Variants in RGS17 observed in about 807,000 individuals in gnomAD.
RGS17 encodes regulator of G-protein signaling 17.
A neutral mutation model predicts 25.5 loss-of-function variants in RGS17; 12 were observed. The ratio of observed to expected loss-of-function variants is 0.47; its 90% CI spans 0.30 to 0.76. RGS17 has a LOEUF of 0.76. Among genes scored for constraint, RGS17 ranks in the 30% least tolerant of loss-of-function variants. The pLI is 0.07. For synonymous variants in RGS17, 71 were observed against 76.9 expected (o/e 0.92, Z 0.40); for missense variants, 196 against 242.2 (o/e 0.81, Z 1.27).
chr6:153,093,112 T>C (rs571371859), intron 1 of RGS17, among the ~76,000 whole-genome samples: 2 of 152,364 alleles, frequency 1.3e-5, no homozygotes, highest in South Asian at 2.1e-4. Context: ...AACATTCTTT[T>C]ATTTTTTAAG....
At chr6:153,101,743 G>A (rs1486450764) in intron 1 of RGS17, among the ~76,000 whole-genome samples, 1 of 152,014 alleles carries the variant, frequency 6.6e-6, no homozygotes, top group Non-Finnish European at 1.5e-5. Context: ...TAGTGAGTGA[G>A]TTCTCGTAAG....
chr6:153,084,380 T>A (rs1777024776), intron 1 of RGS17, among the ~76,000 whole-genome samples: 1 of 152,124 alleles, frequency 6.6e-6, no homozygotes, highest in Admixed American at 6.5e-5. Context: ...CCAACTGACA[T>A]AGAAATAAAG....
intron 4 of RGS17, among the ~76,000 whole-genome samples, chr6:153,020,100 TA>T (rs57320874): frequency 0.019 from 857 of 44,756 alleles, 39 homozygotes; most frequent in Middle Eastern, 0.043. Flanking sequence ...GCAAATATCT[TA>T]AAAAAAAAAA....
At chr6:153,054,092 T>TATAA (rs1393844507) in intron 1 of RGS17, among the ~76,000 whole-genome samples, 1 of 42,102 alleles carries the variant, frequency 2.4e-5, no homozygotes, top group Non-Finnish European at 3.8e-5. Context: ...ACAATATTTT[T>TATAA]TATATATATA....
At chr6:153,094,385 G>T (rs1394727899) in intron 1 of RGS17, among the ~76,000 whole-genome samples, 1 of 152,036 alleles carries the variant, frequency 6.6e-6, no homozygotes, top group South Asian at 2.1e-4. Flanking sequence ...GTGGCCTACT[G>T]AACTCTTTAA....
At chr6:153,031,193 C>T (rs1019908665) in intron 2 of RGS17, among the ~76,000 whole-genome samples, 10 of 152,158 alleles carry the variant, frequency 6.6e-5, no homozygotes, top group African/African-American at 2.4e-4. Flanking sequence ...GAATATACCT[C>T]CTTTAGGATG....
chr6:153,101,981 T>C (rs1777310595), intron 1 of RGS17, among the ~76,000 whole-genome samples: 1 of 152,208 alleles, frequency 6.6e-6, no homozygotes, highest in Non-Finnish European at 1.5e-5. Context: ...AGTGTGAAAA[T>C]GGACTAATAC....
chr6:153,034,528 A>G (rs1184835096), intron 2 of RGS17, among the ~76,000 whole-genome samples: 1 of 152,188 alleles, frequency 6.6e-6, no homozygotes, highest in East Asian at 1.9e-4. Flanking sequence ...CTATCAATAA[A>G]GGATTACGCA....
In RGS17 at chr6:153,105,439, A is replaced by G. The variant is rs534977945; in HGVS notation, c.-26+25685T>C. ...CCCCGGGCTCAGCCTCCTACCAAAA[A>G]TAAAATAAAATAAAAAATAAAAAGA... On this transcript the variant is annotated intron_variant, in intron 1 of 4. Transcript: ENST00000206262. Among the ~76,000 whole-genome samples, 5 of 152,260 alleles carry G rather than the reference A, an allele frequency of 3.3e-5. No individual in the cohort carries two copies. The South Asian group carries it at 1.0e-3, about 32-fold the overall frequency.
At chr6:153,090,899 G>A (rs1340662377) in intron 1 of RGS17, among the ~76,000 whole-genome samples, 1 of 151,964 alleles carries the variant, frequency 6.6e-6, no homozygotes, top group East Asian at 1.9e-4. Flanking sequence ...AGGGGTCTTG[G>A]AACTAATCCC....
At chr6:153,016,843 C>T (rs1584118342) in intron 4 of RGS17, among the ~76,000 whole-genome samples, 1 of 152,136 alleles carries the variant, frequency 6.6e-6, no homozygotes, top group Non-Finnish European at 1.5e-5. Context: ...GAATGTGGAT[C>T]ATCTATAATA....
rs1779072412 is a variant in RGS17 at position 153,006,185 on chromosome 6, G to A, written c.*5389C>T. 6.6e-6 allele frequency: 1 copy of A among 151,994 alleles called. No individual in the cohort carries two copies. The highest frequency in any genetic ancestry group is 1.9e-4 in the East Asian group (1 of 5,186). 9.4% of individuals were successfully genotyped at this position (151,994 alleles called of 1,614,324 possible). Reference sequence around the variant, plus strand: ...CTTTTATTAAGTTTTTATTTTCATTGTAAAATTGTTAAAGAAAATCATACC... The same window carrying A: ...CTTTTATTAAGTTTTTATTTTCATTATAAAATTGTTAAAGAAAATCATACC... On this transcript the variant is annotated 3_prime_UTR_variant, in exon 5 of 5. Transcript: ENST00000206262.
intron 1 of RGS17, among the ~76,000 whole-genome samples, chr6:153,089,121 G>T (rs1460495139): frequency 6.6e-6 from 1 of 151,536 alleles, no homozygotes; most frequent in Non-Finnish European, 1.5e-5. Flanking sequence ...TTTTAGGGAC[G>T]CTTCAAAGTC....
intron 2 of RGS17, among the ~76,000 whole-genome samples, chr6:153,028,981 T>C (rs188054921): frequency 4.1e-4 from 63 of 152,082 alleles, no homozygotes; most frequent in Middle Eastern, 3.4e-3. Flanking sequence ...GAATCACGAG[T>C]TTCTGAACAT....
chr6:153,057,361 T>C (rs1776574988), intron 1 of RGS17, among the ~76,000 whole-genome samples: 2 of 152,302 alleles, frequency 1.3e-5, no homozygotes, highest in African/African-American at 4.8e-5. Context: ...CATCTCACTC[T>C]TGAAGTCACC....
chr6:153,018,044 T>C (rs186438565), intron 4 of RGS17, among the ~76,000 whole-genome samples: 1 of 152,318 alleles, frequency 6.6e-6, no homozygotes, highest in African/African-American at 2.4e-5. Context: ...TAATGGCACA[T>C]TGCAAATAAG....
chr6:153,022,696 A>T (rs1441803226), intron 4 of RGS17, among the ~76,000 whole-genome samples: 1 of 152,232 alleles, frequency 6.6e-6, no homozygotes, highest in African/African-American at 2.4e-5. Flanking sequence ...TTTATTTGCT[A>T]TGTGCAATAA....
rs1373771255 is a variant in RGS17 at position 153,006,502 on chromosome 6, A to C, written c.*5072T>G. 1 of 152,596 alleles carries C rather than the reference A, an allele frequency of 6.6e-6. No individual in the cohort carries two copies. Among genetic ancestry groups the C allele is most frequent in the Non-Finnish European group, 1.5e-5 (1 of 68,018 alleles). The allele number at this position is 152,596 out of a possible 1,614,324, so 9.5% of individuals were successfully genotyped here. A position where few individuals can be genotyped will look rare whatever the true frequency, so the allele number is the denominator to read the frequency against. On this transcript the variant is annotated 3_prime_UTR_variant, in exon 5 of 5. Transcript: ENST00000206262. The stretch of plus-strand genomic sequence containing the variant: ...ATAGATTTGAGGTGATGGTGAACTG[A>C]AAGTACTGATTTGGGATCACATTAT...
chr6:153,020,128 A>ATT (rs1779229322), intron 4 of RGS17, among the ~76,000 whole-genome samples: 1 of 93,124 alleles, frequency 1.1e-5, no homozygotes, highest in Non-Finnish European at 2.0e-5. Flanking sequence ...ATATATATAT[A>ATT]TATATATATA....
Sources: allele counts gnomAD v4.1 joint callset (sites outside exome capture counted in the v4.1 genomes callset), GRCh38; gene constraint gnomAD v4.1.1; transcripts MANE v1.5; gene names NCBI Gene and HGNC (gene_info 2026-07-23, HGNC 2026-07-21).